The following EPB41L1 variants were observed in gnomAD, a reference collection of about 807,000 sequenced individuals.
The protein encoded by EPB41L1 is erythrocyte membrane protein band 4.1 like 1, also known as band 4.1-like protein 1.
Under a neutral mutation model 97.8 loss-of-function variants are expected in EPB41L1, and 29 were observed. The observed-to-expected ratio is 0.30, with a 90% CI of 0.22 to 0.40. The LOEUF (loss-of-function observed/expected upper bound fraction) is 0.40, where lower values mean the gene tolerates loss of function less well. EPB41L1 is among the 10% of genes least tolerant of loss of function. The pLI is 1.00. For synonymous variants in EPB41L1, 383 were observed against 459.2 expected (o/e 0.83, Z 2.12); for missense variants, 812 against 1,162.3 (o/e 0.70, Z 4.38).
At chr20:36,192,456 G>A (rs2062001813) in intron 11 of EPB41L1, among the ~76,000 whole-genome samples, 1 of 151,066 alleles carries the variant, frequency 6.6e-6, no homozygotes, top group Admixed American at 6.6e-5. Context: ...CTTGAACCCG[G>A]GAGATGAAGG....
chr20:36,124,575 C>G (rs2058887206), intron 2 of EPB41L1, among the ~76,000 whole-genome samples: 2 of 152,202 alleles, frequency 1.3e-5, no homozygotes, highest in African/African-American at 4.8e-5. Flanking sequence ...TCTTTGCCGC[C>G]TTGGCTCCTT....
rs1241335026 is a variant in EPB41L1, at chr20:36,156,768, G to A, written c.-15+1872G>A. Among the ~76,000 whole-genome samples, 7 of 152,194 alleles carry A rather than the reference G, an allele frequency of 4.6e-5. No homozygotes were observed. The East Asian group carries it at 1.4e-3, about 29-fold the overall frequency. On this transcript the variant is annotated intron_variant, in intron 1 of 21. Transcript: ENST00000338074. The stretch of plus-strand genomic sequence containing the variant: ...TGGGTGGTCCTGGACCCTCTTGGAA[G>A]TGCATAGAGCTGAGAGGATGCCAGG...
chr20:36,214,773 T>C (rs995636320), intron 17 of EPB41L1, among the ~76,000 whole-genome samples: 1 of 152,096 alleles, frequency 6.6e-6, no homozygotes, highest in African/African-American at 2.4e-5. Flanking sequence ...TGAGATTTCA[T>C]TGGCTCATCT....
At chr20:36,128,646 G>A (rs2059068166) in intron 2 of EPB41L1, among the ~76,000 whole-genome samples, 1 of 152,168 alleles carries the variant, frequency 6.6e-6, no homozygotes, top group Admixed American at 6.5e-5. Context: ...CCGTGCATTT[G>A]GGCTGTAAGC....
At chr20:36,122,826 G>A (rs891975932) in intron 2 of EPB41L1, 17 of 152,258 alleles carry the variant, frequency 1.1e-4, no homozygotes, top group Admixed American at 7.9e-4. Flanking sequence ...TGGGCTCAGT[G>A]ATCCTCAGAC....
At chr20:36,114,444 A>G (rs1018653819) in intron 2 of EPB41L1, among the ~76,000 whole-genome samples, 2 of 152,110 alleles carry the variant, frequency 1.3e-5, no homozygotes, top group Non-Finnish European at 2.9e-5. Context: ...CCCAGGTGAT[A>G]GGGGTGGTGC....
intron 2 of EPB41L1, among the ~76,000 whole-genome samples, chr20:36,130,977 T>A (rs1384784112): frequency 2.1e-5 from 3 of 143,428 alleles, no homozygotes; most frequent in Non-Finnish European, 4.6e-5. Flanking sequence ...CCCGGCTAAT[T>A]TTTTTTTTTT....
chr20:36,218,471 G>C (rs549028621), intron 17 of EPB41L1, among the ~76,000 whole-genome samples: 10 of 152,180 alleles, frequency 6.6e-5, no homozygotes, highest in African/African-American at 1.9e-4. Flanking sequence ...TTGGGGCAAG[G>C]GTCCTTTTTT....
At chr20:36,102,135 C>T (rs1036412985) in intron 1 of EPB41L1, among the ~76,000 whole-genome samples, 3 of 152,030 alleles carry the variant, frequency 2.0e-5, no homozygotes, top group Non-Finnish European at 2.9e-5. Context: ...GCGTCAGATC[C>T]GAGGTAGGGC....
In EPB41L1 at chr20:36,209,889, C is replaced by G. The variant is rs745672816; in HGVS notation, c.2070C>G (p.Pro690=). 1 of 1,613,230 alleles carries G rather than the reference C, an allele frequency of 6.2e-7. No homozygotes were observed. The highest frequency in any genetic ancestry group is 1.3e-5 in the African/African-American group (1 of 75,028). ...DRGACSTPDM[P]QFEPVKTETM... is the part of the protein sequence containing the mutation. ...GGGCCTGCTCCACCCCGGATATGCCCCAGTTTGAGGTACAGTGGAGCTTCC... is the reference window on the plus strand; with the variant it reads ...GGGCCTGCTCCACCCCGGATATGCCGCAGTTTGAGGTACAGTGGAGCTTCC... Residue 690 remains proline, a synonymous_variant, in exon 15 of 22, where the codon CCC becomes CCG. Coordinates refer to ENST00000338074, the MANE Select transcript of EPB41L1 (RefSeq NM_012156.2). The surrounding 1 kb of genome is among the most constrained non-coding windows in gnomAD (Gnocchi z 4.2).
In EPB41L1 at chr20:36,209,753, G is replaced by C; in HGVS notation, c.1934G>C (p.Arg645Pro). 1 of 1,614,086 alleles carries C rather than the reference G, an allele frequency of 6.2e-7. No individual in the cohort carries two copies. Among genetic ancestry groups the C allele is most frequent in the Non-Finnish European group, 8.5e-7 (1 of 1,180,034 alleles). Residue 645 changes from arginine (R) to proline (P), a missense_variant, in exon 15 of 22, where the codon CGG (arginine) becomes CCG (proline). Arg to Pro is a moderately radical substitution (Grantham distance 103). Transcript: ENST00000338074. The surrounding 1 kb of genome is among the most constrained non-coding windows in gnomAD (Gnocchi z 4.2). ...DFSRSLPELD[R>P]DKSDSDTEGL... ...TCCCGCAGCCTGCCTGAGCTCGACC[G>C]GGACAAAAGCGACTCGGACACTGAG...
chr20:36,221,852 C>G lies in EPB41L1; in HGVS notation c.2440-12C>G, dbSNP rs1361702150. On this transcript the variant is annotated splice_polypyrimidine_tract_variant and intron_variant, in intron 19 of 21. Coordinates refer to ENST00000338074, the MANE Select transcript of EPB41L1 (RefSeq NM_012156.2). Reference sequence around the variant, plus strand: ...GACCCAAGAGTGACCTCACCTCCCTCTCCCTCTGCAGACTGTGAAAGGAGG... The same window carrying G: ...GACCCAAGAGTGACCTCACCTCCCTGTCCCTCTGCAGACTGTGAAAGGAGG... The G allele has an allele frequency of 6.2e-7, 1 of 1,613,840 alleles. No individual in the cohort carries two copies. The highest frequency in any genetic ancestry group is 1.3e-5 in the African/African-American group (1 of 74,912).
At chr20:36,194,081 C>A in intron 11 of EPB41L1, 131 bp from the exon 12 acceptor site, 1 of 1,247,806 alleles carries the variant, frequency 8.0e-7, no homozygotes, top group Non-Finnish European at 1.1e-6. Flanking sequence ...CTTCACCCCT[C>A]TGGGCAATGG....
upstream of EPB41L1, chr20:36,154,734 T>C (rs1367119667): frequency 6.8e-5 from 67 of 985,880 alleles, no homozygotes; most frequent in Non-Finnish European, 7.7e-5. The surrounding 1 kb of genome is among the most constrained non-coding windows in gnomAD (Gnocchi z 5.5). Flanking sequence ...CCGCCGCCGC[T>C]GCTGCAGTCG....
chr20:36,174,365 C>CG (rs1393029061), intron 2 of EPB41L1, among the ~76,000 whole-genome samples: 1 of 151,940 alleles, frequency 6.6e-6, no homozygotes, highest in Non-Finnish European at 1.5e-5. Flanking sequence ...CTCTGCCGCC[C>CG]GGGTTCAAGC....
chr20:36,116,990 G>A (rs561836489), intron 2 of EPB41L1, among the ~76,000 whole-genome samples: 1 of 152,344 alleles, frequency 6.6e-6, no homozygotes, highest in African/African-American at 2.4e-5. Context: ...AGGAACTTGA[G>A]GTTCAGAGGA....
At chr20:36,149,760 G>C (rs534783524), upstream of EPB41L1, 6 of 152,598 alleles carry the variant, frequency 3.9e-5, no homozygotes, top group African/African-American at 7.2e-5. Flanking sequence ...CTGCCCTCCC[G>C]GGCAGGAGCC....
At chr20:36,223,767 G>C (rs58457789) in intron 21 of EPB41L1, among the ~76,000 whole-genome samples, 30,874 of 152,010 alleles carry the variant, frequency 0.2, 3,237 homozygotes, top group Middle Eastern at 0.28. Flanking sequence ...AACCTTCTAG[G>C]GTACTGGAAA....
chr20:36,130,338 T>C (rs750917094), intron 2 of EPB41L1, among the ~76,000 whole-genome samples: 1 of 152,178 alleles, frequency 6.6e-6, no homozygotes. Flanking sequence ...CTGAATATGA[T>C]TGGGAGCTTG....
Sources: gnomAD v4.1 joint callset for allele counts (sites outside exome capture counted in the v4.1 genomes callset) on GRCh38, gnomAD v4.1.1 for gene constraint, Gnocchi (gnomAD v3.1) non-coding constraint, MANE v1.5 for transcripts, NCBI Gene and HGNC (gene_info 2026-07-23, HGNC 2026-07-21) for gene names.